The following PSD3 variants were observed in gnomAD, a reference collection of about 807,000 sequenced individuals.
PSD3 encodes the protein pleckstrin and Sec7 domain containing 3, also known as PH and SEC7 domain-containing protein 3.
In PSD3, 49 loss-of-function variants were observed where a neutral mutation model predicts 105.5. That is an observed-to-expected ratio of 0.46 (90% CI 0.37 to 0.59). PSD3 has a LOEUF of 0.59. Ranked by LOEUF, PSD3 falls within the 20% of genes least tolerant of loss-of-function variation. PSD3 has a pLI of 0.00. For synonymous variants in PSD3, 557 were observed against 457.8 expected, an observed-to-expected ratio of 1.22 and a Z score of -2.77; for missense variants, 1,561 against 1,263.8, an observed-to-expected ratio of 1.24 and a Z score of -3.57.
chr8:18,859,785 G>T (rs1816297928), intron 4 of PSD3, among the ~76,000 whole-genome samples: 2 of 152,238 alleles, frequency 1.3e-5, no homozygotes, highest in Non-Finnish European at 2.9e-5. Context: ...AAGAGAGTTA[G>T]AGCCTTGCTC....
intron 9 of PSD3, among the ~76,000 whole-genome samples, chr8:18,697,798 A>C (rs576658752): frequency 1.3e-5 from 2 of 152,286 alleles, no homozygotes; most frequent in African/African-American, 2.4e-5. Flanking sequence ...TTCTGGCATC[A>C]ACATTTCGTC....
intron 2 of PSD3, among the ~76,000 whole-genome samples, chr8:18,912,539 A>AT (rs1820301650): frequency 6.6e-6 from 1 of 152,256 alleles, no homozygotes; most frequent in Non-Finnish European, 1.5e-5. Context: ...ATCTTTAATT[A>AT]GGTGAAAATC....
intron 9 of PSD3, among the ~76,000 whole-genome samples, chr8:18,708,742 C>T (rs1326562774): frequency 6.6e-6 from 1 of 151,952 alleles, no homozygotes; most frequent in African/African-American, 2.4e-5. Flanking sequence ...CCCAGAGGAA[C>T]AAAAACAGTG....
At chr8:18,563,456 C>T (rs190898505) in intron 14 of PSD3, among the ~76,000 whole-genome samples, 222 of 152,102 alleles carry the variant, frequency 1.5e-3, no homozygotes, top group African/African-American at 5.1e-3. Context: ...ATCCGCAGTG[C>T]AACTTAGAAG....
intron 9 of PSD3, among the ~76,000 whole-genome samples, chr8:18,741,625 T>C (rs1345747615): frequency 6.6e-6 from 1 of 152,164 alleles, no homozygotes; most frequent in Non-Finnish European, 1.5e-5. Flanking sequence ...ACTAGCTACA[T>C]ATGTCGGCAC....
intron 14 of PSD3, among the ~76,000 whole-genome samples, chr8:18,566,606 A>G (rs903646631): frequency 6.6e-6 from 1 of 152,146 alleles, no homozygotes; most frequent in African/African-American, 2.4e-5. Flanking sequence ...GAGGCCCACA[A>G]AGCAAATGCT....
intron 9 of PSD3, among the ~76,000 whole-genome samples, chr8:18,755,503 C>T (rs1054640590): frequency 1.5e-5 from 2 of 134,438 alleles, no homozygotes; most frequent in Non-Finnish European, 3.3e-5. Flanking sequence ...TCCAAACATA[C>T]AAACATTCAA....
intron 1 of PSD3, among the ~76,000 whole-genome samples, chr8:18,942,001 T>C (rs1822578813): frequency 6.6e-6 from 1 of 151,960 alleles, no homozygotes; most frequent in Admixed American, 6.6e-5. Context: ...AATTAATTGT[T>C]TAGCTGTAAA....
intron 9 of PSD3, among the ~76,000 whole-genome samples, chr8:18,715,278 G>C (rs1268235614): frequency 6.6e-6 from 1 of 151,908 alleles, no homozygotes; most frequent in African/African-American, 2.4e-5. Context: ...AAAATTAAAA[G>C]AAAAAAACAT....
chr8:18,917,341 C>T (rs1334396530), intron 2 of PSD3, among the ~76,000 whole-genome samples: 1 of 152,094 alleles, frequency 6.6e-6, no homozygotes, highest in African/African-American at 2.4e-5. Flanking sequence ...GGCACACGGC[C>T]GCTGAATAAA....
chr8:18,951,465 A>G (rs1483063791), intron 1 of PSD3, among the ~76,000 whole-genome samples: 1 of 152,162 alleles, frequency 6.6e-6, no homozygotes, highest in African/African-American at 2.4e-5. Context: ...GCAAGGAACA[A>G]AACCCAATCC....
rs149536366 is a variant in PSD3 at position 18,761,078 on chromosome 8, C to T, written c.2172+4371G>A. Among the ~76,000 whole-genome samples the T allele has an allele frequency of 3.9e-4, 60 of 152,274 alleles. 1 individual carries two copies. The highest frequency in any genetic ancestry group is 3.4e-3 in the Middle Eastern group (1 of 292). On this transcript the variant is annotated intron_variant, in intron 9 of 15. Coordinates refer to ENST00000327040, the MANE Select transcript of PSD3 (RefSeq NM_015310.4). ...GCCAATGCACCCTAGTACTTCCCCTCTTGTAGCATCAAAGAGGGAAGTCAC... is the reference window on the plus strand; with the variant it reads ...GCCAATGCACCCTAGTACTTCCCCTTTTGTAGCATCAAAGAGGGAAGTCAC...
chr8:18,783,245 T>C (rs889709570), intron 8 of PSD3, among the ~76,000 whole-genome samples: 3 of 152,204 alleles, frequency 2.0e-5, no homozygotes, highest in African/African-American at 7.2e-5. Flanking sequence ...GTTCATTTCA[T>C]CTAGGTTATC....
rs1440576429 is a variant in PSD3 at position 18,594,459 on chromosome 8, T to TTA, written c.2481+5903_2481+5904dup. ...TATATTATATTATTTATATATTATA[T>TTA]TATATATATACAAAAGAAAGAAAGA... On this transcript the variant is annotated intron_variant, in intron 12 of 15. Transcript: ENST00000327040. 3.1e-5 allele frequency among the ~76,000 whole-genome samples: 4 copies of TTA among 128,670 alleles called. 1 individual carries two copies. In the East Asian group the frequency reaches 9.0e-4, roughly 29 times the overall value. 84.4% of individuals were successfully genotyped at this position (128,670 alleles called of 152,430 possible).
At chr8:18,880,389 C>G (rs1356320422) in intron 2 of PSD3, among the ~76,000 whole-genome samples, 1 of 152,148 alleles carries the variant, frequency 6.6e-6, no homozygotes, top group Non-Finnish European at 1.5e-5. Flanking sequence ...CATGAAAAGT[C>G]TGTTTGGCAT....
intron 3 of PSD3, among the ~76,000 whole-genome samples, chr8:18,870,353 C>T (rs1184396359): frequency 7.2e-5 from 11 of 152,250 alleles, no homozygotes; most frequent in Admixed American, 5.9e-4. Flanking sequence ...AGATGGGTCA[C>T]GTCTGCCATT....
rs773214256 is a variant in PSD3, at chr8:18,534,102, C to T, written c.*1641G>A. ...ATCATAATAACATACCACTTAGACA[C>T]TACCATGGCTTTACAGCAGGTTTTC... On this transcript the variant is annotated 3_prime_UTR_variant, in exon 16 of 16. Coordinates refer to ENST00000327040, the MANE Select transcript of PSD3 (RefSeq NM_015310.4). 6 of 152,210 alleles carry T rather than the reference C, an allele frequency of 3.9e-5. No homozygotes were observed. In the East Asian group the frequency reaches 1.2e-3, roughly 29 times the overall value. The allele number at this position is 152,210 out of a possible 1,614,324, so 9.4% of individuals were successfully genotyped here.
intron 2 of PSD3, among the ~76,000 whole-genome samples, chr8:18,929,164 G>T (rs1039521640): frequency 6.6e-6 from 1 of 151,898 alleles, no homozygotes; most frequent in Non-Finnish European, 1.5e-5. Flanking sequence ...CACTATGGCA[G>T]ACAAGGATAC....
At chr8:18,780,763 C>T (rs1047896950) in intron 8 of PSD3, among the ~76,000 whole-genome samples, 7 of 152,116 alleles carry the variant, frequency 4.6e-5, no homozygotes, top group African/African-American at 1.7e-4. Flanking sequence ...ACTGTGTTAG[C>T]CAGGATGGTC....
Sources: allele counts gnomAD v4.1 joint callset (sites outside exome capture counted in the v4.1 genomes callset), GRCh38; gene constraint gnomAD v4.1.1; transcripts MANE v1.5; gene names NCBI Gene and HGNC (gene_info 2026-07-23, HGNC 2026-07-21).